Variants in DLGAP2 observed in about 807,000 individuals in gnomAD.
The protein encoded by DLGAP2 is disks large-associated protein 2.
A neutral mutation model predicts 100.3 loss-of-function variants in DLGAP2; 26 were observed. That is an observed-to-expected ratio of 0.26 (90% CI 0.19 to 0.36). The LOEUF is 0.36. Ranked by LOEUF, DLGAP2 falls within the 10% of genes least tolerant of loss-of-function variation. The pLI, the probability that DLGAP2 is intolerant of heterozygous loss-of-function variation, is 1.00. For missense variants in DLGAP2, 1,858 were observed against 1,453.2 expected, an observed-to-expected ratio of 1.28 and a Z score of -4.53; for synonymous variants, 886 against 630.1, an observed-to-expected ratio of 1.41 and a Z score of -6.08.
intron 2 of DLGAP2, among the ~76,000 whole-genome samples, chr8:1,073,295 G>T (rs971960274): frequency 6.6e-6 from 1 of 151,978 alleles, no homozygotes; most frequent in Admixed American, 6.6e-5. Flanking sequence ...AAAAAACTGG[G>T]TATAAAACAA....
At chr8:767,603 C>G (rs1821249099) in intron 1 of DLGAP2, among the ~76,000 whole-genome samples, 1 of 152,114 alleles carries the variant, frequency 6.6e-6, no homozygotes, top group Non-Finnish European at 1.5e-5. Flanking sequence ...GATCCACGTG[C>G]CTTGGCCTCC....
chr8:1,258,339 A>G (rs1799271703), intron 2 of DLGAP2, among the ~76,000 whole-genome samples: 1 of 152,086 alleles, frequency 6.6e-6, no homozygotes, highest in Non-Finnish European at 1.5e-5. Context: ...ACAGGTCGTT[A>G]CTACCAAACA....
At chr8:880,783 C>T (rs1797774146) in intron 1 of DLGAP2, among the ~76,000 whole-genome samples, 1 of 152,260 alleles carries the variant, frequency 6.6e-6, no homozygotes, top group African/African-American at 2.4e-5. Context: ...GTCCCCATCC[C>T]CCACTTGCCA....
At chr8:1,352,756 C>T (rs1284880857) in intron 3 of DLGAP2, among the ~76,000 whole-genome samples, 5 of 152,160 alleles carry the variant, frequency 3.3e-5, no homozygotes, top group Non-Finnish European at 5.9e-5. Flanking sequence ...TTTCTCCTGC[C>T]TTTCTGAGGT....
intron 1 of DLGAP2, among the ~76,000 whole-genome samples, chr8:793,971 C>G (rs1795974220): frequency 6.6e-6 from 1 of 152,090 alleles, no homozygotes; most frequent in Non-Finnish European, 1.5e-5. Flanking sequence ...ATCTGCTTGT[C>G]TTTGTCTCTG....
chr8:1,510,210 A>G (rs1348528698), intron 4 of DLGAP2, among the ~76,000 whole-genome samples: 2 of 152,228 alleles, frequency 1.3e-5, no homozygotes, highest in Non-Finnish European at 2.9e-5. Flanking sequence ...GGAAAATTAA[A>G]TAGAAACAGG....
At chr8:1,533,410 G>T (rs1023163363) in intron 4 of DLGAP2, among the ~76,000 whole-genome samples, 4 of 151,926 alleles carry the variant, frequency 2.6e-5, no homozygotes, top group Non-Finnish European at 4.4e-5. Context: ...GCAGGCTGAG[G>T]CAGGAGAATG....
chr8:1,481,697 C>G (rs1372071866), intron 3 of DLGAP2, among the ~76,000 whole-genome samples: 1 of 151,938 alleles, frequency 6.6e-6, no homozygotes, highest in Non-Finnish European at 1.5e-5. Flanking sequence ...AGGCTTGTCT[C>G]GAACTCCTGA....
intron 3 of DLGAP2, among the ~76,000 whole-genome samples, chr8:1,412,656 T>C (rs1796765909): frequency 6.6e-6 from 1 of 152,216 alleles, no homozygotes; most frequent in Non-Finnish European, 1.5e-5. Context: ...ACTGTGAAGA[T>C]CACAGGCTCT....
intron 2 of DLGAP2, among the ~76,000 whole-genome samples, chr8:1,074,547 C>T (rs891113258): frequency 6.6e-6 from 1 of 152,322 alleles, no homozygotes; most frequent in Middle Eastern, 3.4e-3. Context: ...CGAGGCTGCC[C>T]TGGCTCAGGG....
At chr8:1,524,579 C>T (rs559744120) in intron 4 of DLGAP2, among the ~76,000 whole-genome samples, 56 of 152,278 alleles carry the variant, frequency 3.7e-4, no homozygotes, top group African/African-American at 1.3e-3. Context: ...ACCCCATCTT[C>T]TCCTTGTGTC....
At chr8:1,256,449 CAGGTGCTGTGCGTGTCCTCTCCTGCCT>C (rs1799219719) in intron 2 of DLGAP2, among the ~76,000 whole-genome samples, 5 of 117,590 alleles carry the variant, frequency 4.3e-5, no homozygotes, top group African/African-American at 1.5e-4. Flanking sequence ...CTCTCCTGCC[CAGGTGCTGTGCGTGTCCTCTCCTGCCT>C]GGGTGCTGTG....
At chr8:1,498,541 C>T (rs1218578977) in intron 3 of DLGAP2, among the ~76,000 whole-genome samples, 3 of 152,272 alleles carry the variant, frequency 2.0e-5, no homozygotes, top group South Asian at 2.1e-4. Context: ...ACTCCCCAGG[C>T]CCCTTGGATG....
chr8:1,351,947 C>T lies in DLGAP2; in HGVS notation c.106+93064C>T, dbSNP rs866266382. Among the ~76,000 whole-genome samples, 4 of 72,574 alleles carry T rather than the reference C, an allele frequency of 5.5e-5. No homozygotes were observed. The Admixed American group carries it at 6.9e-4, about 12-fold the overall frequency. 47.6% of individuals were successfully genotyped at this position (72,574 alleles called of 152,430 possible). A position where few individuals can be genotyped will look rare whatever the true frequency, so the allele number is the denominator to read the frequency against. On this transcript the variant is annotated intron_variant, in intron 3 of 14. Coordinates refer to ENST00000637795, the MANE Select transcript of DLGAP2 (RefSeq NM_001346810.2). ...CGCGTCCTGACTGTGTGTGGAAAGG[C>T]CGTGCGGGTCCTGAGTGTGTGTGGA...
chr8:1,224,306 A>T (rs1035391265), intron 2 of DLGAP2, among the ~76,000 whole-genome samples: 2 of 152,242 alleles, frequency 1.3e-5, no homozygotes, highest in South Asian at 4.1e-4. Context: ...CATAATTGAC[A>T]TGCGTATTTG....
At chr8:926,664 G>A (rs1798822884) in intron 2 of DLGAP2, among the ~76,000 whole-genome samples, 1 of 152,246 alleles carries the variant, frequency 6.6e-6, no homozygotes. Flanking sequence ...CAGGGCATGA[G>A]CTGAAGGGGG....
rs557188004 is a variant in DLGAP2, at chr8:985,208, T to C, written c.73+77242T>C. On this transcript the variant is annotated intron_variant, in intron 2 of 14. Coordinates refer to ENST00000637795, the MANE Select transcript of DLGAP2 (RefSeq NM_001346810.2). ...CAGAGGAAAGAGAAATCAGTGGAAA[T>C]GAGTCAAGATACAAGGTCCGAAGGC... 1.1e-4 allele frequency among the ~76,000 whole-genome samples: 16 copies of C among 152,204 alleles called. No individual in the cohort carries two copies. The South Asian group carries it at 2.1e-3, about 20-fold the overall frequency.
chr8:1,601,078 T>A (rs1160189038), intron 6 of DLGAP2, among the ~76,000 whole-genome samples: 1 of 152,202 alleles, frequency 6.6e-6, no homozygotes, highest in Non-Finnish European at 1.5e-5. Context: ...TTTTTATTGA[T>A]GTTGATGCTA....
chr8:1,316,153 A>G (rs1330456197), intron 3 of DLGAP2, among the ~76,000 whole-genome samples: 3 of 122,016 alleles, frequency 2.5e-5, no homozygotes, highest in Non-Finnish European at 3.5e-5. Flanking sequence ...CGTCTCCCCA[A>G]CAGTGGTCTA....
Sources: allele counts gnomAD v4.1 joint callset (sites outside exome capture counted in the v4.1 genomes callset), GRCh38; gene constraint gnomAD v4.1.1; transcripts MANE v1.5; gene names NCBI Gene and HGNC (gene_info 2026-07-23, HGNC 2026-07-21).